GINS4: variants seen among roughly 807,000 people sequenced by gnomAD.
GINS4 encodes the protein DNA replication complex GINS protein SLD5.
In GINS4, 20 loss-of-function variants were observed where a neutral mutation model predicts 31.1. That is an observed-to-expected ratio of 0.64 (90% confidence interval 0.45 to 0.93). The LOEUF (loss-of-function observed/expected upper bound fraction) is 0.93. Among genes scored for constraint, GINS4 ranks in the 40% least tolerant of loss-of-function variants. GINS4 has a pLI of 0.00. For synonymous variants in GINS4, 85 were observed against 97.9 expected (o/e 0.87, Z 0.78); for missense variants, 245 against 273.9 (o/e 0.89, Z 0.75).
chr8:41,533,744 G>A (rs1017204066), intron 2 of GINS4, among the ~76,000 whole-genome samples: 4 of 152,222 alleles, frequency 2.6e-5, no homozygotes, highest in Middle Eastern at 3.2e-3. Context: ...GCCACAGAGC[G>A]AAGTCCCAAA....
Position 41,542,395 on chromosome 8 carries a change from AAAAAC to A in GINS4, c.*313_*317del, listed in dbSNP as rs1224708071. On this transcript the variant is annotated 3_prime_UTR_variant, in exon 8 of 8. Transcript: ENST00000276533. ...AGACTTTGTCTCAAAAAAAAAAACA[AAAAAC>A]AAAAAAAAAACAAACTAGGCATAAA... 2.7e-6 allele frequency: 1 copy of A among 372,158 alleles called. No individual in the cohort carries two copies. The allele number at this position is 372,158 out of a possible 1,614,324, so 23.1% of individuals were successfully genotyped here.
intron 2 of GINS4, chr8:41,534,196 AT>A: frequency 2.8e-6 from 1 of 353,198 alleles, no homozygotes; most frequent in Non-Finnish European, 5.7e-6. Flanking sequence ...TGAGGCCAGG[AT>A]TTCGAAGACC....
At position 41,529,267 on chromosome 8, in the gene GINS4, G is replaced by A. The variant is rs1042848733; in HGVS notation, c.-149G>A. On this transcript the variant is annotated 5_prime_UTR_variant, in exon 1 of 8. Transcript: ENST00000276533. Reference sequence around the variant, plus strand: ...GCTGAGAAGTTGCAGGGTTGAGTTGGTCCCGGCAAGTCCTTGAGCAGTTTG... The same window carrying A: ...GCTGAGAAGTTGCAGGGTTGAGTTGATCCCGGCAAGTCCTTGAGCAGTTTG... The A allele has an allele frequency of 6.6e-6, 1 of 152,380 alleles. No homozygotes were observed. The highest frequency in any genetic ancestry group is 1.5e-5 in the Non-Finnish European group (1 of 68,168). The allele number at this position is 152,380 out of a possible 1,614,324, so 9.4% of individuals were successfully genotyped here.
rs938748541 is a variant in GINS4, at chr8:41,543,996, T to C, written c.*1909T>C. On this transcript the variant is annotated 3_prime_UTR_variant, in exon 8 of 8. Transcript: ENST00000276533. ...TGCTGGAATTATAGGCGTGAGCCAC[T>C]GCGCACGGCCTGGGGAGGTTTTATT... 2 of 152,342 alleles carry C rather than the reference T, an allele frequency of 1.3e-5. No homozygotes were observed. The highest frequency in any genetic ancestry group is 1.9e-4 in the East Asian group (1 of 5,186). 9.4% of individuals were successfully genotyped at this position (152,342 alleles called of 1,614,324 possible).
intron 2 of GINS4, 62 bp from the exon 3 acceptor site, chr8:41,536,298 C>T: frequency 1.0e-6 from 1 of 985,304 alleles, no homozygotes; most frequent in Non-Finnish European, 1.6e-6. Context: ...CTTGGGCTGA[C>T]TCACTGGGTT....
At chr8:41,541,765 T>C in intron 6 of GINS4, 44 bp from the exon 7 acceptor site, 2 of 1,518,588 alleles carry the variant, frequency 1.3e-6, no homozygotes, top group Non-Finnish European at 1.8e-6. Context: ...TTGTTGACTT[T>C]GTTGGCCGAG....
At chr8:41,530,149 G>T in intron 1 of GINS4, 35 bp from the exon 2 acceptor site, 4 of 1,251,828 alleles carry the variant, frequency 3.2e-6, no homozygotes, top group Non-Finnish European at 4.7e-6. Flanking sequence ...ATTAGAAAAC[G>T]CATTGCAGAG....
rs758501750 is a variant in GINS4, at chr8:41,544,879, G to T, written c.*2792G>T. The T allele has an allele frequency of 6.6e-6, 1 of 152,148 alleles. No individual in the cohort carries two copies. The highest frequency in any genetic ancestry group is 6.5e-5 in the Admixed American group (1 of 15,278). The allele number at this position is 152,148 out of a possible 1,614,324, so 9.4% of individuals were successfully genotyped here. A position where few individuals can be genotyped will look rare whatever the true frequency, so the allele number is the denominator to read the frequency against. On this transcript the variant is annotated 3_prime_UTR_variant, in exon 8 of 8. Coordinates refer to ENST00000276533, the MANE Select transcript of GINS4 (RefSeq NM_032336.3). Reference sequence around the variant, plus strand: ...TTGAATGACGGCTCTACGTCCTCATGCCTCCAGCTGCTGCCCTGTACATGT... The same window carrying T: ...TTGAATGACGGCTCTACGTCCTCATTCCTCCAGCTGCTGCCCTGTACATGT...
chr8:41,536,940 A>G (rs952314481), intron 3 of GINS4: 1 of 488,544 alleles, frequency 2.0e-6, no homozygotes, highest in East Asian at 3.8e-5. Context: ...TGTGTGCTGT[A>G]CTATCTCCCT....
intron 5 of GINS4, 38 bp from the exon 6 acceptor site, chr8:41,539,878 C>G: frequency 1.3e-6 from 2 of 1,597,544 alleles, no homozygotes; most frequent in Non-Finnish European, 8.6e-7. Context: ...CGTCCATCAG[C>G]TGTGTACACC....
In GINS4 at chr8:41,531,271, C is replaced by T. The variant is rs1050610113; in HGVS notation, c.96+973C>T. Among the ~76,000 whole-genome samples the T allele has an allele frequency of 6.6e-5, 10 of 151,994 alleles. No individual in the cohort carries two copies. In the South Asian group the frequency reaches 1.2e-3, roughly 19 times the overall value. ...AGCCTGGGCAACAAGAGTGAAACTCCGTCTCAAAAAAATAATAAAATAAAA... is the reference window on the plus strand; with the variant it reads ...AGCCTGGGCAACAAGAGTGAAACTCTGTCTCAAAAAAATAATAAAATAAAA... On this transcript the variant is annotated intron_variant, in intron 2 of 7. Coordinates refer to ENST00000276533, the MANE Select transcript of GINS4 (RefSeq NM_032336.3).
chr8:41,534,966 G>A (rs546535714), intron 2 of GINS4, among the ~76,000 whole-genome samples: 34 of 152,004 alleles, frequency 2.2e-4, no homozygotes, highest in South Asian at 1.7e-3. Context: ...CTCGTGATCC[G>A]CCTGCCTCGG....
At chr8:41,536,286 G>A in intron 2 of GINS4, 74 bp from the exon 3 acceptor site, 1 of 886,250 alleles carries the variant, frequency 1.1e-6, no homozygotes, top group East Asian at 2.4e-5. Context: ...GTTTTCGTTG[G>A]ACTTGGGCTG....
chr8:41,532,030 C>G (rs1250688256), intron 2 of GINS4, among the ~76,000 whole-genome samples: 1 of 152,222 alleles, frequency 6.6e-6, no homozygotes, highest in Non-Finnish European at 1.5e-5. Context: ...TGGTCTTGAA[C>G]TCCTGACCTT....
At chr8:41,535,445 T>G (rs565674221) in intron 2 of GINS4, among the ~76,000 whole-genome samples, 14 of 152,118 alleles carry the variant, frequency 9.2e-5, no homozygotes, top group Admixed American at 3.3e-4. Flanking sequence ...ATTATGCAGG[T>G]TTTTTTTGTT....
At chr8:41,534,660 TGTA>T (rs1806709579) in intron 2 of GINS4, among the ~76,000 whole-genome samples, 1 of 152,104 alleles carries the variant, frequency 6.6e-6, no homozygotes, top group Non-Finnish European at 1.5e-5. Context: ...TATGAACAAA[TGTA>T]GTGAGACCAT....
rs1008859578 is a variant in GINS4, at chr8:41,541,582, G to A, written c.485-227G>A. ...AAGTCAGACCCATACCAGACTTGTG[G>A]AACCCTGAATTGGTCATTTTGCTGA... is the stretch of plus-strand genomic sequence containing the variant. On this transcript the variant is annotated intron_variant, in intron 6 of 7. Coordinates refer to ENST00000276533, the MANE Select transcript of GINS4 (RefSeq NM_032336.3). 1.1e-4 allele frequency among the ~76,000 whole-genome samples: 16 copies of A among 152,276 alleles called. 1 individual carries two copies. Among genetic ancestry groups the A allele is most frequent in the Non-Finnish European group, 1.9e-4 (13 of 68,026 alleles).
chr8:41,543,697 G>A lies in GINS4; in HGVS notation c.*1610G>A, dbSNP rs1806883494. 1 of 150,340 alleles carries A rather than the reference G, an allele frequency of 6.7e-6. No individual in the cohort carries two copies. The highest frequency in any genetic ancestry group is 1.9e-4 in the East Asian group (1 of 5,184). 9.3% of individuals were successfully genotyped at this position (150,340 alleles called of 1,614,324 possible). A position where few individuals can be genotyped will look rare whatever the true frequency, so the allele number is the denominator to read the frequency against. On this transcript the variant is annotated 3_prime_UTR_variant, in exon 8 of 8. Transcript: ENST00000276533. ...GAGAAATCAGTAGGGGAAAGCAAGGGAGGTCTTTTTTTTTTTTCTTTTTTG... is the reference window on the plus strand; with the variant it reads ...GAGAAATCAGTAGGGGAAAGCAAGGAAGGTCTTTTTTTTTTTTCTTTTTTG...
intron 2 of GINS4, among the ~76,000 whole-genome samples, chr8:41,533,160 G>A (rs1315195666): frequency 6.6e-6 from 1 of 152,202 alleles, no homozygotes; most frequent in Non-Finnish European, 1.5e-5. Flanking sequence ...AATAACTCCT[G>A]AAACAGCATG....
Sources: allele counts gnomAD v4.1 joint callset (sites outside exome capture counted in the v4.1 genomes callset), GRCh38; gene constraint gnomAD v4.1.1; transcripts MANE v1.5; gene names NCBI Gene and HGNC (gene_info 2026-07-23, HGNC 2026-07-21).